Variants in ATAD2B observed in about 807,000 individuals in gnomAD.
ATAD2B encodes the protein ATPase family AAA domain-containing protein 2B.
Under a neutral mutation model 167.6 loss-of-function variants are expected in ATAD2B, and 40 were observed. The ratio of observed to expected loss-of-function variants is 0.24; its 90% confidence interval spans 0.19 to 0.31. The LOEUF is 0.31. Ranked by LOEUF, ATAD2B falls within the 10% of genes least tolerant of loss-of-function variation. The pLI, the probability that ATAD2B is intolerant of heterozygous loss-of-function variation, is 1.00. For synonymous variants in ATAD2B, 579 were observed against 596.5 expected, an observed-to-expected ratio of 0.97 and a Z score of 0.43; for missense variants, 1,242 against 1,757.2, an observed-to-expected ratio of 0.71 and a Z score of 5.24.
intron 2 of ATAD2B, among the ~76,000 whole-genome samples, chr2:23,892,323 C>T (rs1699631291): frequency 6.6e-6 from 1 of 152,134 alleles, no homozygotes; most frequent in African/African-American, 2.4e-5. Flanking sequence ...GCCACCACGC[C>T]TGGCTAATTT....
chr2:23,815,056 C>CAA (rs553479769), intron 17 of ATAD2B, among the ~76,000 whole-genome samples: 27 of 76,520 alleles, frequency 3.5e-4, no homozygotes, highest in Non-Finnish European at 4.8e-4. Context: ...AATCCGTCTC[C>CAA]AAAAAAAAAA....
intron 16 of ATAD2B, 140 bp downstream of exon 16, chr2:23,823,118 T>C: frequency 1.4e-6 from 1 of 734,400 alleles, no homozygotes; most frequent in South Asian, 2.0e-5. Flanking sequence ...TGCCAGGCAA[T>C]ATGCCAGGCC....
intron 7 of ATAD2B, among the ~76,000 whole-genome samples, chr2:23,878,276 G>A (rs970917855): frequency 5.9e-5 from 9 of 151,606 alleles, no homozygotes; most frequent in East Asian, 1.9e-4. Context: ...CAGGAGAATC[G>A]CTTGAACCCA....
chr2:23,739,841 A>T, the ATAD2B span, among the ~76,000 whole-genome samples: 1 of 152,232 alleles, frequency 6.6e-6, no homozygotes, highest in African/African-American at 2.4e-5. Flanking sequence ...AGAATCAAAT[A>T]GATGCAATAA....
At chr2:23,885,678 A>T in intron 5 of ATAD2B, 49 bp downstream of exon 5, 1 of 1,140,792 alleles carries the variant, frequency 8.8e-7, no homozygotes, top group South Asian at 1.4e-5. Flanking sequence ...TAAATTCCTC[A>T]ATTAAAATGA....
downstream of ATAD2B, among the ~76,000 whole-genome samples, chr2:23,748,465 A>G (rs1207629846): frequency 1.3e-5 from 2 of 152,310 alleles, no homozygotes; most frequent in South Asian, 2.1e-4. Context: ...ACTAAAACTA[A>G]AACCACGCTT....
chr2:23,906,111 C>A (rs1701451906), intron 1 of ATAD2B, among the ~76,000 whole-genome samples: 1 of 151,986 alleles, frequency 6.6e-6, no homozygotes, highest in African/African-American at 2.4e-5. Flanking sequence ...CAGAGGCGGG[C>A]AGATCAGTTG....
chr2:23,792,594 T>G (rs1470694577), intron 19 of ATAD2B, among the ~76,000 whole-genome samples: 1 of 151,960 alleles, frequency 6.6e-6, no homozygotes, highest in Non-Finnish European at 1.5e-5. Context: ...ATCAACCCAT[T>G]AAATAAAAAT....
At chr2:23,855,590 G>T (rs1693262375) in intron 13 of ATAD2B, among the ~76,000 whole-genome samples, 1 of 152,182 alleles carries the variant, frequency 6.6e-6, no homozygotes, top group Non-Finnish European at 1.5e-5. Context: ...TCCTCTCTCA[G>T]GGATTTACCC....
chr2:23,788,730 T>C, intron 19 of ATAD2B, 83 bp from the exon 20 acceptor site: 2 of 1,101,408 alleles, frequency 1.8e-6, no homozygotes, highest in Non-Finnish European at 2.5e-6. Context: ...AATGTCTTCA[T>C]CTTCCAGTAT....
chr2:23,904,720 G>T (rs1701274036), intron 1 of ATAD2B, among the ~76,000 whole-genome samples: 2 of 151,978 alleles, frequency 1.3e-5, no homozygotes, highest in South Asian at 2.1e-4. Context: ...AAAATGTATG[G>T]GTACAAATCA....
At chr2:23,914,978 C>T (rs1193158121) in intron 1 of ATAD2B, among the ~76,000 whole-genome samples, 3 of 152,116 alleles carry the variant, frequency 2.0e-5, no homozygotes, top group Admixed American at 2.0e-4. Flanking sequence ...AATTCCCACA[C>T]CAAGTCTACA....
chr2:23,915,457 A>AG (rs993187910), intron 1 of ATAD2B, among the ~76,000 whole-genome samples: 37 of 150,796 alleles, frequency 2.5e-4, no homozygotes, highest in African/African-American at 8.0e-4. Context: ...AAAAAAAAAA[A>AG]TCCAACTCAC....
intron 13 of ATAD2B, among the ~76,000 whole-genome samples, chr2:23,852,033 A>C (rs1261601869): frequency 6.6e-6 from 1 of 152,176 alleles, no homozygotes; most frequent in Non-Finnish European, 1.5e-5. Flanking sequence ...ATGTATGTAA[A>C]TTTCTTGACT....
At chr2:23,701,864 G>T in the ATAD2B span, among the ~76,000 whole-genome samples, 1 of 143,818 alleles carries the variant, frequency 7.0e-6, no homozygotes, top group Non-Finnish European at 1.5e-5. Context: ...GCAATGGCGC[G>T]ATCTTGGCTC....
chr2:23,757,724 T>C lies in ATAD2B; in HGVS notation c.3772A>G (p.Arg1258Gly). 3 of 1,611,398 alleles carry C rather than the reference T, an allele frequency of 1.9e-6. No homozygotes were observed. Among genetic ancestry groups the C allele is most frequent in the Non-Finnish European group, 2.5e-6 (3 of 1,178,990 alleles). The change falls in exon 25 of 28, where the codon AGG becomes GGG. Residue 1258 changes from arginine (R) to glycine (G), a missense_variant. Arg to Gly is a moderately radical substitution (Grantham distance 125). This residue lies in a region of ATAD2B where 282 missense variants were observed against 346.8 expected (regional missense o/e 0.81). Coordinates refer to ENST00000238789, the MANE Select transcript of ATAD2B (RefSeq NM_017552.4). ...SSSLNPEQTS[R>G]KETFLKGNCL... The stretch of plus-strand genomic sequence containing the variant: ...TTTCCTTTAAGGAAAGTCTCTTTCC[T>C]GGAGGTCTGCTCCGGGTTTAAGGAA...
At chr2:23,806,935 A>G (rs56342010) in intron 18 of ATAD2B, among the ~76,000 whole-genome samples, 11,888 of 152,306 alleles carry the variant, frequency 0.078, 584 homozygotes, top group South Asian at 0.13. Flanking sequence ...AATTTAGCAC[A>G]GTAATTACAA....
chr2:23,882,206 T>TA (rs1558724072), intron 6 of ATAD2B, among the ~76,000 whole-genome samples: 1 of 151,802 alleles, frequency 6.6e-6, no homozygotes, highest in African/African-American at 2.4e-5. Flanking sequence ...ATTTTTTTTT[T>TA]ATTTTTATTT....
intron 9 of ATAD2B, among the ~76,000 whole-genome samples, chr2:23,868,340 GC>G (rs1330139714): frequency 6.6e-6 from 1 of 152,182 alleles, no homozygotes; most frequent in East Asian, 1.9e-4. Context: ...TCACTCTGTT[GC>G]CCAGGATGGA....
Sources: allele counts gnomAD v4.1 joint callset (sites outside exome capture counted in the v4.1 genomes callset), GRCh38; gene constraint gnomAD v4.1.1; regional missense constraint gnomAD v4.1.1; transcripts MANE v1.5; gene names NCBI Gene and HGNC (gene_info 2026-07-23, HGNC 2026-07-21).